The following JRK variants were observed in gnomAD, a reference collection of about 807,000 sequenced individuals.
JRK encodes the protein jerky protein homolog.
For synonymous variants in JRK, 303 were observed against 218.1 expected, an observed-to-expected ratio of 1.39 and a Z score of -3.43; for missense variants, 720 against 509.2, an observed-to-expected ratio of 1.41 and a Z score of -3.98.
the JRK span, among the ~76,000 whole-genome samples, chr8:142,647,555 T>G: frequency 6.6e-6 from 1 of 152,180 alleles, no homozygotes. Context: ...GCACAAGCTC[T>G]CTCTCTTTGC....
intron 1 of JRK, among the ~76,000 whole-genome samples, 182 bp downstream of exon 1, chr8:142,669,750 C>A (rs1554636979): frequency 6.7e-6 from 1 of 149,228 alleles, no homozygotes; most frequent in African/African-American, 2.4e-5. Context: ...GGAGGGGGCG[C>A]TGCCGCCCGC....
rs1554635859 is a variant in JRK, at chr8:142,665,744, G to A, written c.315C>T (p.Val105=). The change falls in exon 2 of 2, where the codon GTC becomes GTT. Residue 105 remains valine, a synonymous_variant. Transcript: ENST00000612905. The part of the protein sequence containing the change: ...EWFLGKRSEG[V]PVSGPMLIEK... ...CGATGAGCATGGGGCCTGACACGGG[G>A]ACGCCCTCGGAGCGCTTCCCCAGGA... 7 of 773,396 alleles carry A rather than the reference G, an allele frequency of 9.1e-6. No individual in the cohort carries two copies. The highest frequency in any genetic ancestry group is 5.1e-5 in the Admixed American group (3 of 58,356). 47.9% of individuals were successfully genotyped at this position (773,396 alleles called of 1,614,324 possible). A position where few individuals can be genotyped will look rare whatever the true frequency, so the allele number is the denominator to read the frequency against.
At position 142,664,254 on chromosome 8, in the gene JRK, A is replaced by G; in HGVS notation, c.*98T>C. ...TGGAAGGGCTCTTGAGTGTCTGCAC[A>G]TGCCCTCCTGCCTCAGGTGGGGTCG... On this transcript the variant is annotated 3_prime_UTR_variant, in exon 2 of 2. Transcript: ENST00000612905. 11 of 1,443,450 alleles carry G rather than the reference A, an allele frequency of 7.6e-6. No homozygotes were observed. The highest frequency in any genetic ancestry group is 6.1e-5 in the South Asian group (4 of 65,194). 89.4% of individuals were successfully genotyped at this position (1,443,450 alleles called of 1,614,324 possible).
intron 1 of JRK, among the ~76,000 whole-genome samples, chr8:142,668,490 G>A (rs1395201163): frequency 1.3e-5 from 2 of 151,680 alleles, no homozygotes; most frequent in East Asian, 4.0e-4. Context: ...GGAACAGGAG[G>A]GAAGGCAAGG....
rs1332096321 is a variant in JRK at position 142,659,107 on chromosome 8, G to C, written c.*5245C>G. On this transcript the variant is annotated 3_prime_UTR_variant, in exon 2 of 2. Coordinates refer to ENST00000612905, the MANE Select transcript of JRK (RefSeq NM_003724.4). ...CAGCCCATCAAGGTACAATGAAATA[G>C]AAAAAAGGCTGGCCAGGTGCCAAGT... 4 of 1,372,716 alleles carry C rather than the reference G, an allele frequency of 2.9e-6. No homozygotes were observed. Among genetic ancestry groups the C allele is most frequent in the African/African-American group, 2.9e-5 (2 of 68,378 alleles). The allele number at this position is 1,372,716 out of a possible 1,614,324, so 85.0% of individuals were successfully genotyped here. A position where few individuals can be genotyped will look rare whatever the true frequency, so the allele number is the denominator to read the frequency against.
In JRK at chr8:142,659,030, G is replaced by A; in HGVS notation, c.*5322C>T. 1.3e-6 allele frequency: 2 copies of A among 1,484,496 alleles called. No homozygotes were observed. Among genetic ancestry groups the A allele is most frequent in the Admixed American group, 2.2e-5 (1 of 44,652 alleles). The allele number at this position is 1,484,496 out of a possible 1,614,324, so 92.0% of individuals were successfully genotyped here. A position where few individuals can be genotyped will look rare whatever the true frequency, so the allele number is the denominator to read the frequency against. On this transcript the variant is annotated 3_prime_UTR_variant, in exon 2 of 2. Coordinates refer to ENST00000612905, the MANE Select transcript of JRK (RefSeq NM_003724.4). ...TGTAGTCACTTCCCTCTGCCAGGGA[G>A]AATGGTGGAGGAAGAATGGATTCCT...
chr8:142,669,197 T>TGTGC (rs1327590789), intron 1 of JRK, among the ~76,000 whole-genome samples: 12 of 56,784 alleles, frequency 2.1e-4, no homozygotes, highest in East Asian at 6.5e-4. Context: ...TGTGTGTGTG[T>TGTGC]GTGCGTGTGT....
At chr8:142,647,489 T>C in the JRK span, among the ~76,000 whole-genome samples, 3 of 152,178 alleles carry the variant, frequency 2.0e-5, no homozygotes, top group African/African-American at 7.2e-5. Context: ...TCCCATGCTG[T>C]TCTTGTGATA....
Position 142,664,933 on chromosome 8 carries a change from G to A in JRK, c.1126C>T (p.His376Tyr), listed in dbSNP as rs587637485. The A allele has an allele frequency of 1.5e-5, 13 of 878,722 alleles. No homozygotes were observed. The East Asian group carries it at 2.5e-4, about 17-fold the overall frequency. 54.4% of individuals were successfully genotyped at this position (878,722 alleles called of 1,614,324 possible). A position where few individuals can be genotyped will look rare whatever the true frequency, so the allele number is the denominator to read the frequency against. The change falls in exon 2 of 2, where the codon CAC becomes TAC. Residue 376 changes from histidine to tyrosine, a missense_variant. Physicochemically the swap from His to Tyr is moderately conservative, Grantham distance 83 (BLOSUM62 2). Coordinates refer to ENST00000612905, the MANE Select transcript of JRK (RefSeq NM_003724.4). ...VACAWNAVPS[H>Y]VFRRAWRKLW... ...TTCCTCCAGGCCCGCCTGAAGACGT[G>A]GCTAGGGACTGCGTTCCAGGCACAG...
At chr8:142,647,792 T>C in the JRK span, among the ~76,000 whole-genome samples, 1 of 152,168 alleles carries the variant, frequency 6.6e-6, no homozygotes, top group Non-Finnish European at 1.5e-5. Flanking sequence ...GGAAGCAACT[T>C]TGGACTGCGT....
At chr8:142,645,356 T>C in the JRK span, among the ~76,000 whole-genome samples, 12 of 152,156 alleles carry the variant, frequency 7.9e-5, no homozygotes, top group African/African-American at 1.4e-4. Context: ...AACAACTTGA[T>C]TGCATAAAAG....
chr8:142,661,867 AG>A lies in JRK; in HGVS notation c.*2484del. On this transcript the variant is annotated 3_prime_UTR_variant, in exon 2 of 2. Transcript: ENST00000612905. Reference sequence around the variant, plus strand: ...CAGGAAGTGAAAACAAAGTGCTCGGAGGACACGGCAGTCTCCATAAAGCGTT... The same window carrying A: ...CAGGAAGTGAAAACAAAGTGCTCGGAGACACGGCAGTCTCCATAAAGCGTT... 1 of 985,498 alleles carries A rather than the reference AG, an allele frequency of 1.0e-6. No homozygotes were observed. Among genetic ancestry groups the A allele is most frequent in the Non-Finnish European group, 1.2e-6 (1 of 829,980 alleles). The allele number at this position is 985,498 out of a possible 1,614,324, so 61.0% of individuals were successfully genotyped here.
rs1211851661 is a variant in JRK, at chr8:142,661,793, A to G, written c.*2559T>C. 3.0e-6 allele frequency: 3 copies of G among 985,450 alleles called. No homozygotes were observed. Among genetic ancestry groups the G allele is most frequent in the Non-Finnish European group, 3.6e-6 (3 of 830,054 alleles). The allele number at this position is 985,450 out of a possible 1,614,324, so 61.0% of individuals were successfully genotyped here. A position where few individuals can be genotyped will look rare whatever the true frequency, so the allele number is the denominator to read the frequency against. The stretch of plus-strand genomic sequence containing the variant: ...GCTCCACCTGAGAGGGCTTGGGGAA[A>G]AAGATTCTGAGGCTAAAACATTCAA... On this transcript the variant is annotated 3_prime_UTR_variant, in exon 2 of 2. Coordinates refer to ENST00000612905, the MANE Select transcript of JRK (RefSeq NM_003724.4).
At position 142,666,557 on chromosome 8, in the gene JRK, G is replaced by A. The variant is rs370369984; in HGVS notation, c.-462-37C>T. 4.6e-4 allele frequency: 112 copies of A among 242,846 alleles called. No homozygotes were observed. The East Asian group carries it at 8.4e-3, about 18-fold the overall frequency. 15.0% of individuals were successfully genotyped at this position (242,846 alleles called of 1,614,324 possible). A position where few individuals can be genotyped will look rare whatever the true frequency, so the allele number is the denominator to read the frequency against. On this transcript the variant is annotated intron_variant, in intron 1 of 1. Transcript: ENST00000612905. ...AGGGAACAGAGAGGAAAGTGATGGGGCGCGCCCAGGACACACATGGCGTCC... is the reference window on the plus strand; with the variant it reads ...AGGGAACAGAGAGGAAAGTGATGGGACGCGCCCAGGACACACATGGCGTCC...
rs782317166 is a variant in JRK at position 142,664,723 on chromosome 8, C to T, written c.1336G>A (p.Glu446Lys). The T allele has an allele frequency of 8.7e-6, 14 of 1,603,622 alleles. No individual in the cohort carries two copies. The East Asian group carries it at 2.5e-4, about 28-fold the overall frequency. ...GCAGGGGGCCGTCCCCCTTCTGCCT[C>T]CCTTCCCGCTACCCCCCAGCTGGCG... is the stretch of plus-strand genomic sequence containing the variant. ...QAASWGVAGR[E>K]AEGGRPPAAT... Residue 446 changes from glutamate (E) to lysine (K), a missense_variant, in exon 2 of 2, where the codon GAG (glutamate) becomes AAG (lysine). Glu to Lys is a moderately conservative substitution (Grantham distance 56, BLOSUM62 1). Transcript: ENST00000612905.
downstream of JRK, among the ~76,000 whole-genome samples, chr8:142,655,275 G>A (rs781783127): frequency 2.6e-5 from 4 of 152,188 alleles, no homozygotes; most frequent in Non-Finnish European, 5.9e-5. Context: ...CTGGCCTGGG[G>A]CCCCTGAAGA....
the JRK span, among the ~76,000 whole-genome samples, chr8:142,648,170 A>G: frequency 6.6e-6 from 1 of 152,206 alleles, no homozygotes; most frequent in Non-Finnish European, 1.5e-5. Context: ...AGGGAAAGAG[A>G]GCATAAAAGT....
At chr8:142,669,163 A>AGTGT (rs59300327) in intron 1 of JRK, among the ~76,000 whole-genome samples, 2,860 of 136,142 alleles carry the variant, frequency 0.021, 41 homozygotes, top group East Asian at 0.051. Context: ...GCAGGGGCAT[A>AGTGT]GTGTGTGTGT....
chr8:142,668,212 T>G (rs782363060), intron 1 of JRK, among the ~76,000 whole-genome samples: 8 of 152,266 alleles, frequency 5.3e-5, no homozygotes, highest in Non-Finnish European at 1.0e-4. Context: ...AAAGGCCTAC[T>G]TACATGTGGA....
Sources: gnomAD v4.1 joint callset for allele counts (sites outside exome capture counted in the v4.1 genomes callset) on GRCh38, gnomAD v4.1.1 for gene constraint, MANE v1.5 for transcripts, NCBI Gene and HGNC (gene_info 2026-07-23, HGNC 2026-07-21) for gene names.